Variants in THRB observed in about 807,000 individuals in gnomAD.
The protein encoded by THRB is nuclear receptor subfamily 1 group A member 2.
A neutral mutation model predicts 47.8 loss-of-function variants in THRB; 12 were observed. The observed-to-expected ratio is 0.25, with a 90% confidence interval of 0.16 to 0.41. THRB has a LOEUF of 0.41. THRB is among the 10% of genes least tolerant of loss of function. THRB has a pLI of 1.00. For synonymous variants in THRB, 218 were observed against 212.2 expected, an observed-to-expected ratio of 1.03 and a Z score of -0.24; for missense variants, 348 against 589.2, an observed-to-expected ratio of 0.59 and a Z score of 4.24.
rs758677446 is a variant in THRB, at chr3:24,190,250, C to T, written c.107G>A (p.Cys36Tyr). 27 of 1,613,956 alleles carry T rather than the reference C, an allele frequency of 1.7e-5. No individual in the cohort carries two copies. In the East Asian group the frequency reaches 5.6e-4, roughly 33 times the overall value. Residue 36 changes from cysteine to tyrosine, a missense_variant, in exon 5 of 11, where the codon TGC becomes TAC. This residue lies in a region of THRB where 148 missense variants were observed against 122.3 expected (regional missense o/e 1.21). Coordinates refer to ENST00000646209, the MANE Select transcript of THRB (RefSeq NM_001354712.2). ...CTCTGAATGGCTCTTCCTATGTAGG[C>T]AGGCTTCAGACATTCCTACTAGCTT... The part of the protein sequence containing the change: ...DWKLVGMSEA[C>Y]LHRKSHSERR...
chr3:24,367,072 A>G (rs1226051354), intron 1 of THRB, among the ~76,000 whole-genome samples: 1 of 152,200 alleles, frequency 6.6e-6, no homozygotes, highest in Non-Finnish European at 1.5e-5. Flanking sequence ...CCTTCAACAA[A>G]TGTGTGCTAA....
At chr3:24,384,929 A>G (rs2065977206) in intron 1 of THRB, among the ~76,000 whole-genome samples, 1 of 152,234 alleles carries the variant, frequency 6.6e-6, no homozygotes, top group South Asian at 2.1e-4. Context: ...CCACAGGTAC[A>G]CACCCATGGG....
chr3:24,156,470 C>T (rs1347063461), intron 5 of THRB, among the ~76,000 whole-genome samples: 1 of 152,198 alleles, frequency 6.6e-6, no homozygotes, highest in Non-Finnish European at 1.5e-5. Context: ...GCAGAAGTAG[C>T]AGCATGTGAG....
At chr3:24,192,704 G>A (rs749744906) in intron 4 of THRB, among the ~76,000 whole-genome samples, 1 of 152,092 alleles carries the variant, frequency 6.6e-6, no homozygotes, top group African/African-American at 2.4e-5. Flanking sequence ...AGCAAGAAGG[G>A]GTTTTTTTCT....
chr3:24,260,769 C>T (rs1031764432), intron 3 of THRB, among the ~76,000 whole-genome samples: 1 of 152,192 alleles, frequency 6.6e-6, no homozygotes, highest in Non-Finnish European at 1.5e-5. Context: ...TCAGCTATGT[C>T]CTGTCTTCCT....
At chr3:24,216,452 CA>C (rs1451589489) in intron 4 of THRB, among the ~76,000 whole-genome samples, 1 of 151,978 alleles carries the variant, frequency 6.6e-6, no homozygotes, top group Non-Finnish European at 1.5e-5. Flanking sequence ...CAAAAAAATA[CA>C]AAAAATTAGC....
chr3:24,301,785 T>G (rs1252437252), intron 2 of THRB, among the ~76,000 whole-genome samples: 1 of 152,168 alleles, frequency 6.6e-6, no homozygotes, highest in Non-Finnish European at 1.5e-5. Context: ...AGGGTACAGA[T>G]TTTGAGATGG....
At chr3:24,347,562 TA>T (rs966907013) in intron 1 of THRB, among the ~76,000 whole-genome samples, 11 of 150,444 alleles carry the variant, frequency 7.3e-5, no homozygotes, top group East Asian at 3.9e-4. Flanking sequence ...TAATAAATAA[TA>T]AAAAAAGAAT....
intron 3 of THRB, among the ~76,000 whole-genome samples, chr3:24,278,642 A>G (rs931934996): frequency 3.9e-5 from 6 of 152,228 alleles, no homozygotes; most frequent in African/African-American, 1.4e-4. Flanking sequence ...CAAGATTAAA[A>G]AAATTACTCA....
At chr3:24,296,793 G>A (rs1398892912) in intron 3 of THRB, among the ~76,000 whole-genome samples, 1 of 152,230 alleles carries the variant, frequency 6.6e-6, no homozygotes, top group Non-Finnish European at 1.5e-5. Flanking sequence ...AGGGATGTCA[G>A]TTAAATAGGG....
chr3:24,271,724 G>T (rs1260307985), intron 3 of THRB, among the ~76,000 whole-genome samples: 1 of 151,984 alleles, frequency 6.6e-6, no homozygotes, highest in Non-Finnish European at 1.5e-5. Context: ...AGTATATACT[G>T]TATGTCTCAG....
At chr3:24,283,739 C>A (rs890190822) in intron 3 of THRB, among the ~76,000 whole-genome samples, 1 of 151,542 alleles carries the variant, frequency 6.6e-6, no homozygotes, top group African/African-American at 2.4e-5. Flanking sequence ...AGCAAAGTCT[C>A]AGGATACAAA....
intron 1 of THRB, among the ~76,000 whole-genome samples, chr3:24,446,944 C>G (rs2072148698): frequency 6.6e-6 from 1 of 152,136 alleles, no homozygotes; most frequent in Non-Finnish European, 1.5e-5. Context: ...AGGAAATAGG[C>G]AGAAGAGTCA....
chr3:24,205,914 A>G (rs1411880936), intron 4 of THRB, among the ~76,000 whole-genome samples: 1 of 152,238 alleles, frequency 6.6e-6, no homozygotes, highest in Non-Finnish European at 1.5e-5. Context: ...AGGCCATTAC[A>G]TAATGGTAAA....
At chr3:24,298,741 T>C (rs571963969) in intron 2 of THRB, among the ~76,000 whole-genome samples, 1 of 152,294 alleles carries the variant, frequency 6.6e-6, no homozygotes, top group South Asian at 2.1e-4. Flanking sequence ...TCCTCTTACA[T>C]GGAAGGCCTT....
In THRB at chr3:24,427,416, GA is replaced by G. The variant is rs1226795919; in HGVS notation, c.-261+67235del. ...CTGCACTGAAGTTGGATCTGTGACTGAGGTAAACCTCTCCCTTCCAGCTAGT... is the reference window on the plus strand; with the variant it reads ...CTGCACTGAAGTTGGATCTGTGACTGGGTAAACCTCTCCCTTCCAGCTAGT... On this transcript the variant is annotated intron_variant, in intron 1 of 10. Transcript: ENST00000646209. Among the ~76,000 whole-genome samples, 77 of 152,124 alleles carry G rather than the reference GA, an allele frequency of 5.1e-4. No homozygotes were observed. The East Asian group carries it at 0.011, about 22-fold the overall frequency.
At chr3:24,212,959 A>G (rs1406691155) in intron 4 of THRB, among the ~76,000 whole-genome samples, 2 of 152,176 alleles carry the variant, frequency 1.3e-5, no homozygotes, top group African/African-American at 4.8e-5. Context: ...GACGTTCTAA[A>G]CCAGTGTGCC....
chr3:24,169,187 G>T (rs766620948), intron 5 of THRB, among the ~76,000 whole-genome samples: 3 of 151,980 alleles, frequency 2.0e-5, no homozygotes, highest in Non-Finnish European at 4.4e-5. Context: ...AAAACTATAC[G>T]TCCCAGTTTC....
At chr3:24,322,154 A>G (rs188280808) in intron 2 of THRB, among the ~76,000 whole-genome samples, 4 of 152,328 alleles carry the variant, frequency 2.6e-5, no homozygotes, top group Admixed American at 2.6e-4. Context: ...AAGAAACAAG[A>G]TAAATTTTGA....
Sources: gnomAD v4.1 joint callset for allele counts (sites outside exome capture counted in the v4.1 genomes callset) on GRCh38, gnomAD v4.1.1 for gene constraint, gnomAD v4.1.1 regional missense constraint, MANE v1.5 for transcripts, NCBI Gene and HGNC (gene_info 2026-07-23, HGNC 2026-07-21) for gene names.